Variants in NXPE2 observed in about 807,000 individuals in gnomAD.
NXPE2 encodes the protein neurexophilin and PC-esterase domain family member 2, also known as NXPE family member 2.
Under a neutral mutation model 34.4 loss-of-function variants are expected in NXPE2, and 34 were observed. The ratio of observed to expected loss-of-function variants is 0.99; its 90% CI spans 0.75 to 1.31. NXPE2 has a LOEUF of 1.31. Ranked by LOEUF, NXPE2 falls within the 40% of genes most tolerant of loss-of-function variation. The pLI, the probability that NXPE2 is intolerant of heterozygous loss-of-function variation, is 0.00. For missense variants in NXPE2, 649 were observed against 672.5 expected, an observed-to-expected ratio of 0.97 and a Z score of 0.39; for synonymous variants, 235 against 231.3, an observed-to-expected ratio of 1.02 and a Z score of -0.15.
intron 2 of NXPE2, among the ~76,000 whole-genome samples, chr11:114,689,954 C>T (rs1198213488): frequency 6.6e-6 from 1 of 152,062 alleles, no homozygotes; most frequent in Non-Finnish European, 1.5e-5. Context: ...TTTCTCCACC[C>T]CTTTACTATG....
At chr11:114,690,834 T>C (rs1285062700) in intron 2 of NXPE2, among the ~76,000 whole-genome samples, 1 of 152,028 alleles carries the variant, frequency 6.6e-6, no homozygotes, top group Non-Finnish European at 1.5e-5. Context: ...AAACTGGTCT[T>C]TGATCTCTAA....
chr11:114,694,989 T>G (rs1951221592), intron 2 of NXPE2, among the ~76,000 whole-genome samples: 1 of 152,174 alleles, frequency 6.6e-6, no homozygotes, highest in Non-Finnish European at 1.5e-5. Flanking sequence ...TTTTTCTTCT[T>G]GTGTGCCTTG....
chr11:114,509,401 C>T, the NXPE2 span, among the ~76,000 whole-genome samples: 1 of 152,158 alleles, frequency 6.6e-6, no homozygotes, highest in Non-Finnish European at 1.5e-5. Flanking sequence ...TACCAATCGA[C>T]CCAGCAGTGC....
chr11:114,763,398 A>G, the NXPE2 span, among the ~76,000 whole-genome samples: 1 of 152,228 alleles, frequency 6.6e-6, no homozygotes, highest in Non-Finnish European at 1.5e-5. Flanking sequence ...TCTAGCCAAA[A>G]GCAAAACAAA....
chr11:114,669,308 A>C, the NXPE2 span, among the ~76,000 whole-genome samples: 1 of 152,136 alleles, frequency 6.6e-6, no homozygotes, highest in African/African-American at 2.4e-5. Flanking sequence ...CTGGAAATTG[A>C]GCCACAAAAT....
the NXPE2 span, among the ~76,000 whole-genome samples, chr11:114,517,165 A>G: frequency 6.6e-6 from 1 of 152,116 alleles, no homozygotes; most frequent in Non-Finnish European, 1.5e-5. Flanking sequence ...CTCTGTTGGG[A>G]TCTTTCAGGT....
the NXPE2 span, among the ~76,000 whole-genome samples, chr11:114,484,685 A>T: frequency 6.6e-6 from 1 of 152,202 alleles, no homozygotes; most frequent in Non-Finnish European, 1.5e-5. Flanking sequence ...TTGAACATGT[A>T]AACTGAGCAA....
At chr11:114,577,013 A>ATATATATATACATATATATATATAAAGT in the NXPE2 span, among the ~76,000 whole-genome samples, 17 of 7,212 alleles carry the variant, frequency 2.4e-3, 2 homozygotes, top group Middle Eastern at 0.062. Context: ...ATAAAGTTAT[A>ATATATATATACATATATATATATAAAGT]TATATATATA....
At chr11:114,711,695 G>A (rs1321238665), downstream of NXPE2, among the ~76,000 whole-genome samples, 1 of 152,072 alleles carries the variant, frequency 6.6e-6, no homozygotes, top group South Asian at 2.1e-4. Context: ...GCAATCTACA[G>A]CTCCAGTGCA....
chr11:114,645,978 A>G, the NXPE2 span, among the ~76,000 whole-genome samples: 3 of 152,084 alleles, frequency 2.0e-5, no homozygotes, highest in Non-Finnish European at 4.4e-5. Context: ...ATAGCCTTTG[A>G]CTCAGCATTT....
At chr11:114,598,814 G>A in the NXPE2 span, among the ~76,000 whole-genome samples, 2 of 151,422 alleles carry the variant, frequency 1.3e-5, no homozygotes, top group Non-Finnish European at 2.9e-5. Flanking sequence ...CTTCCACAAA[G>A]TTCTCTGAAA....
At chr11:114,806,324 A>G in the NXPE2 span, among the ~76,000 whole-genome samples, 1 of 152,232 alleles carries the variant, frequency 6.6e-6, no homozygotes, top group Non-Finnish European at 1.5e-5. Context: ...CCTCACCAGC[A>G]ATGGAACAAA....
chr11:114,721,373 C>A, the NXPE2 span, among the ~76,000 whole-genome samples: 2 of 151,840 alleles, frequency 1.3e-5, no homozygotes, highest in Non-Finnish European at 2.9e-5. Context: ...TTGAGCAAAT[C>A]ACAAAACCTG....
At chr11:114,553,401 G>A in the NXPE2 span, among the ~76,000 whole-genome samples, 3 of 152,072 alleles carry the variant, frequency 2.0e-5, no homozygotes, top group South Asian at 4.1e-4. Context: ...CAGTTCTGTG[G>A]TTCATATCCC....
upstream of NXPE2, among the ~76,000 whole-genome samples, chr11:114,675,569 A>C (rs7949994): frequency 1.9e-3 from 286 of 151,986 alleles, 2 homozygotes; most frequent in African/African-American, 5.5e-3. Flanking sequence ...CATAAAAAAA[A>C]CCCTTAGGAA....
the NXPE2 span, among the ~76,000 whole-genome samples, chr11:114,655,508 G>A: frequency 6.6e-6 from 1 of 152,162 alleles, no homozygotes; most frequent in East Asian, 1.9e-4. Flanking sequence ...TGTATAAGGT[G>A]TAAGGAAAGG....
At chr11:114,531,038 T>C in the NXPE2 span, 1 of 1,000,696 alleles carries the variant, frequency 1.0e-6, no homozygotes, top group Non-Finnish European at 1.4e-6. Flanking sequence ...AAATTGAATA[T>C]TTGGTAATAA....
chr11:114,644,484 A>G, the NXPE2 span, among the ~76,000 whole-genome samples: 2 of 152,300 alleles, frequency 1.3e-5, no homozygotes, highest in African/African-American at 2.4e-5. Flanking sequence ...AATTTTATCA[A>G]TTGCATTTCT....
chr11:114,780,412 C>G, the NXPE2 span, among the ~76,000 whole-genome samples: 2 of 152,150 alleles, frequency 1.3e-5, no homozygotes, highest in Non-Finnish European at 2.9e-5. Context: ...GGTGCTGATG[C>G]TGGGTTGAGG....
Sources: allele counts gnomAD v4.1 joint callset (sites outside exome capture counted in the v4.1 genomes callset), GRCh38; gene constraint gnomAD v4.1.1; transcripts MANE v1.5; gene names NCBI Gene and HGNC (gene_info 2026-07-23, HGNC 2026-07-21).